The following AUTS2 variants were observed in gnomAD, a reference collection of about 807,000 sequenced individuals.
The protein encoded by AUTS2 is autism susceptibility gene 2 protein.
A neutral mutation model predicts 112.4 loss-of-function variants in AUTS2; 17 were observed. The ratio of observed to expected loss-of-function variants is 0.15; its 90% confidence interval spans 0.10 to 0.23. AUTS2 has a LOEUF of 0.23. AUTS2 is among the 10% of genes least tolerant of loss of function. AUTS2 has a pLI of 1.00. For missense variants in AUTS2, 1,510 were observed against 1,701.6 expected, an observed-to-expected ratio of 0.89 and a Z score of 1.98; for synonymous variants, 751 against 702.7, an observed-to-expected ratio of 1.07 and a Z score of -1.09.
At chr7:70,537,874 G>A (rs1390551208) in intron 5 of AUTS2, among the ~76,000 whole-genome samples, 1 of 152,160 alleles carries the variant, frequency 6.6e-6, no homozygotes, top group Non-Finnish European at 1.5e-5. Flanking sequence ...CGAACAAAAT[G>A]TTTGGGCTGG....
chr7:70,132,602 C>G (rs1806336487), intron 3 of AUTS2, among the ~76,000 whole-genome samples: 2 of 152,158 alleles, frequency 1.3e-5, no homozygotes, highest in South Asian at 4.1e-4. Flanking sequence ...CTCATTCAGT[C>G]AGACCTGCAT....
intron 5 of AUTS2, among the ~76,000 whole-genome samples, chr7:70,599,248 G>A (rs2129529645): frequency 6.6e-6 from 1 of 152,354 alleles, no homozygotes. Flanking sequence ...GGATTAGCTA[G>A]GGAGCACCTG....
In AUTS2 at chr7:69,729,204, CATACATATGT is replaced by C. The variant is rs375332824; in HGVS notation, c.309+129245_309+129254del. 4.2e-3 allele frequency among the ~76,000 whole-genome samples: 646 copies of C among 152,126 alleles called. 2 individuals are homozygous for C. Among genetic ancestry groups the C allele is most frequent in the Non-Finnish European group, 7.3e-3 (495 of 67,980 alleles). On this transcript the variant is annotated intron_variant, in intron 1 of 18. Transcript: ENST00000342771. ...ATAGGATATATATACATATATAATA[CATACATATGT>C]ATGCTCTTTCAAGGCAGAGGAAGAA...
chr7:70,072,509 C>T (rs1802822968), intron 2 of AUTS2, among the ~76,000 whole-genome samples: 1 of 152,134 alleles, frequency 6.6e-6, no homozygotes, highest in Admixed American at 6.6e-5. Context: ...CTTACATAGT[C>T]CCGAGGTTCA....
At chr7:69,987,873 T>C (rs1798577329) in intron 2 of AUTS2, among the ~76,000 whole-genome samples, 1 of 152,258 alleles carries the variant, frequency 6.6e-6, no homozygotes, top group African/African-American at 2.4e-5. Context: ...TTCACTTTTA[T>C]ATTGTATCAG....
chr7:70,644,174 C>T (rs1563097308), intron 5 of AUTS2, among the ~76,000 whole-genome samples: 1 of 152,128 alleles, frequency 6.6e-6, no homozygotes, highest in East Asian at 1.9e-4. Context: ...AAAACAAGGT[C>T]ATCTATTGAA....
chr7:69,720,652 G>A (rs779325833), intron 1 of AUTS2, among the ~76,000 whole-genome samples: 3 of 152,132 alleles, frequency 2.0e-5, no homozygotes, highest in Non-Finnish European at 4.4e-5. Context: ...AATTGTAGGG[G>A]CACATAACAG....
At chr7:70,742,932 C>T (rs768948973) in intron 6 of AUTS2, among the ~76,000 whole-genome samples, 2 of 152,130 alleles carry the variant, frequency 1.3e-5, no homozygotes, top group Non-Finnish European at 2.9e-5. Context: ...CAAGGCTCTG[C>T]GAAGTGGAGT....
chr7:70,213,248 TG>T lies in AUTS2; in HGVS notation c.660+78679del, dbSNP rs1222886646. ...GATAGAAAAAGTTACCATTTTAGGCTGGATGTGGTGACCCACGCCTGTAATA... is the reference window on the plus strand; with the variant it reads ...GATAGAAAAAGTTACCATTTTAGGCTGATGTGGTGACCCACGCCTGTAATA... On this transcript the variant is annotated intron_variant, in intron 4 of 18. Coordinates refer to ENST00000342771, the MANE Select transcript of AUTS2 (RefSeq NM_015570.4). 3.3e-5 allele frequency among the ~76,000 whole-genome samples: 5 copies of T among 151,908 alleles called. No individual in the cohort carries two copies. In the East Asian group the frequency reaches 9.7e-4, roughly 29 times the overall value.
At chr7:70,788,547 G>A (rs995339829) in intron 18 of AUTS2, among the ~76,000 whole-genome samples, 4 of 152,194 alleles carry the variant, frequency 2.6e-5, no homozygotes, top group African/African-American at 7.2e-5. Context: ...ACCCTAGGCC[G>A]CGAGCTCTCT....
intron 6 of AUTS2, among the ~76,000 whole-genome samples, chr7:70,750,138 C>T (rs1788709351): frequency 6.6e-6 from 1 of 152,146 alleles, no homozygotes; most frequent in African/African-American, 2.4e-5. Context: ...TAAGATATCA[C>T]AGACACTTCT....
Position 69,599,728 on chromosome 7 carries a change from C to A in AUTS2, c.75C>A (p.Arg25=). The change falls in exon 1 of 19, where the codon CGC becomes CGA. Residue 25 remains arginine, a synonymous_variant. Coordinates refer to ENST00000342771, the MANE Select transcript of AUTS2 (RefSeq NM_015570.4). The surrounding 1 kb of genome is among the most constrained non-coding windows in gnomAD (Gnocchi z 7.0). Reference sequence around the variant, plus strand: ...GGTCGCAGCGAGACCGGGAGAGGCGCTCCCGGGGCGGGCTGGGGGCCGGCG... The same window carrying A: ...GGTCGCAGCGAGACCGGGAGAGGCGATCCCGGGGCGGGCTGGGGGCCGGCG... The part of the protein sequence containing the change: ...RSRSQRDRER[R]SRGGLGAGAA... 2 of 1,325,888 alleles carry A rather than the reference C, an allele frequency of 1.5e-6. No individual in the cohort carries two copies. Among genetic ancestry groups the A allele is most frequent in the Non-Finnish European group, 9.6e-7 (1 of 1,043,448 alleles). 82.1% of individuals were successfully genotyped at this position (1,325,888 alleles called of 1,614,324 possible). A position where few individuals can be genotyped will look rare whatever the true frequency, so the allele number is the denominator to read the frequency against.
In AUTS2 at chr7:69,598,586, A is replaced by G; in HGVS notation, c.-1068A>G. On this transcript the variant is annotated 5_prime_UTR_variant, in exon 1 of 19. Transcript: ENST00000342771. Reference sequence around the variant, plus strand: ...CAGCAGCGTTAGCGGCGGCGGCGAGAGCAGCGTTCCCGGCTGCGCTTCTCC... The same window carrying G: ...CAGCAGCGTTAGCGGCGGCGGCGAGGGCAGCGTTCCCGGCTGCGCTTCTCC... 1 of 175,954 alleles carries G rather than the reference A, an allele frequency of 5.7e-6. No homozygotes were observed. 10.9% of individuals were successfully genotyped at this position (175,954 alleles called of 1,614,324 possible). A position where few individuals can be genotyped will look rare whatever the true frequency, so the allele number is the denominator to read the frequency against.
At chr7:70,217,594 T>G (rs2129590590) in intron 4 of AUTS2, among the ~76,000 whole-genome samples, 1 of 152,348 alleles carries the variant, frequency 6.6e-6, no homozygotes. Context: ...TCAGGTATAT[T>G]TGCTCAAGAT....
chr7:69,989,925 A>T (rs550396768), intron 2 of AUTS2, among the ~76,000 whole-genome samples: 93 of 152,232 alleles, frequency 6.1e-4, no homozygotes, highest in Non-Finnish European at 7.6e-4. Flanking sequence ...GCCTGCTTCC[A>T]TGAGAATCTA....
chr7:70,128,135 C>A (rs1358298153), intron 3 of AUTS2, among the ~76,000 whole-genome samples: 1 of 152,166 alleles, frequency 6.6e-6, no homozygotes, highest in East Asian at 1.9e-4. Flanking sequence ...TTAAAAAAAT[C>A]TGTGCCACAT....
At chr7:70,782,606 G>GCTCAGTTAACACTTAA (rs1421342466) in intron 15 of AUTS2, 1 of 152,148 alleles carries the variant, frequency 6.6e-6, no homozygotes, top group Non-Finnish European at 1.5e-5. Flanking sequence ...ACAGAGCTCA[G>GCTCAGTTAACACTTAA]CTCAGTTAAC....
At chr7:70,241,710 T>G (rs904329926) in intron 4 of AUTS2, among the ~76,000 whole-genome samples, 6 of 152,232 alleles carry the variant, frequency 3.9e-5, no homozygotes, top group Admixed American at 3.3e-4. Flanking sequence ...CTTGTGCTTC[T>G]TTGGGGAATA....
chr7:69,699,952 C>T (rs1797736719), intron 1 of AUTS2, among the ~76,000 whole-genome samples: 1 of 152,124 alleles, frequency 6.6e-6, no homozygotes. Context: ...GATCATATGG[C>T]ATTTCATCCT....
Sources: allele counts gnomAD v4.1 joint callset (sites outside exome capture counted in the v4.1 genomes callset), GRCh38; gene constraint gnomAD v4.1.1; non-coding constraint Gnocchi (gnomAD v3.1); transcripts MANE v1.5; gene names NCBI Gene and HGNC (gene_info 2026-07-23, HGNC 2026-07-21).